Variants in ZBTB45 observed in about 807,000 individuals in gnomAD.
ZBTB45 encodes zinc finger and BTB domain-containing protein 45.
ZBTB45 carries 22 observed loss-of-function variants against 28.4 expected under a neutral mutation model. The ratio of observed to expected loss-of-function variants is 0.77; its 90% confidence interval spans 0.55 to 1.10. ZBTB45 has a LOEUF of 1.10. Ranked by LOEUF, ZBTB45 falls within the 50% of genes least tolerant of loss-of-function variation. The pLI is 0.00. For missense variants in ZBTB45, 656 were observed against 750.2 expected, an observed-to-expected ratio of 0.87 and a Z score of 1.47; for synonymous variants, 361 against 332.3, an observed-to-expected ratio of 1.09 and a Z score of -0.94.
chr19:58,530,209 G>GCACACACACACGCACA (rs2053628645), intron 1 of ZBTB45, among the ~76,000 whole-genome samples: 1 of 148,508 alleles, frequency 6.7e-6, no homozygotes, highest in Admixed American at 6.8e-5. Flanking sequence ...GAGAGCGCAT[G>GCACACACACACGCACA]CACACACACA....
In ZBTB45 at chr19:58,517,218, G is replaced by A. The variant is rs11545185; in HGVS notation, c.456C>T (p.Arg152=). The change falls in exon 2 of 3, where the codon CGC becomes CGT. Residue 152 remains arginine, a synonymous_variant. Transcript: ENST00000594051. The part of the protein sequence containing the change: ...PPLAPAQLRH[R]LRHLLAARPP... Reference sequence around the variant, plus strand: ...GACGTGCAGCCAGCAGGTGGCGCAGGCGGTGACGCAGCTGCGCAGGTGCGA... The same window carrying A: ...GACGTGCAGCCAGCAGGTGGCGCAGACGGTGACGCAGCTGCGCAGGTGCGA... 0.17 allele frequency: 267,343 copies of A among 1,600,728 alleles called. 23,094 individuals are homozygous for A. Among genetic ancestry groups the A allele is most frequent in the Middle Eastern group, 0.27 (1,598 of 5,828 alleles).
In ZBTB45 at chr19:58,517,250, G is replaced by A; in HGVS notation, c.424C>T (p.Pro142Ser). The stretch of plus-strand genomic sequence containing the variant: ...CGCAGCTGCGCAGGTGCGAGTGGCG[G>A]GGGCACAGGGGTGGGCAGGGGCGTG... ...APTPLPTPVP[P>S]PLAPAQLRHR... is the part of the protein sequence containing the mutation. Residue 142 changes from proline (P) to serine (S), a missense_variant, in exon 2 of 3, where the codon CCG becomes TCG. By Grantham distance (74) the Pro-to-Ser change is moderately conservative. Coordinates refer to ENST00000594051, the MANE Select transcript of ZBTB45 (RefSeq NM_001316979.2). 6.3e-7 allele frequency: 1 copy of A among 1,587,406 alleles called. No individual in the cohort carries two copies. The highest frequency in any genetic ancestry group is 1.1e-5 in the South Asian group (1 of 89,074).
At chr19:58,538,767 ACAT>A in exon 1 of ZBTB45, 1 of 152,298 alleles carries the variant, frequency 6.6e-6, no homozygotes, top group South Asian at 2.1e-4. Flanking sequence ...CGGCCTCCAA[ACAT>A]CCTCCGGAAG....
rs993861704 is a variant in ZBTB45 at position 58,517,382 on chromosome 19, C to G, written c.292G>C (p.Glu98Gln). Residue 98 changes from glutamate (E) to glutamine (Q), a missense_variant, in exon 2 of 3, where the codon GAA (glutamate) becomes CAA (glutamine). Transcript: ENST00000594051. ...GCGGCCGTGAGCACCTGCAGGGCTTCACCCTGCGCCACAACGAGCGAACCG... is the reference window on the plus strand; with the variant it reads ...GCGGCCGTGAGCACCTGCAGGGCTTGACCCTGCGCCACAACGAGCGAACCG... ...YSGSLVVAQG[E>Q]ALQVLTAASV... The G allele has an allele frequency of 6.2e-7, 1 of 1,612,688 alleles. No homozygotes were observed. The highest frequency in any genetic ancestry group is 8.5e-7 in the Non-Finnish European group (1 of 1,179,918).
chr19:58,522,911 T>C (rs1246127424), upstream of ZBTB45, among the ~76,000 whole-genome samples: 1 of 152,014 alleles, frequency 6.6e-6, no homozygotes, highest in Non-Finnish European at 1.5e-5. Flanking sequence ...CCCATTAGCA[T>C]GTTTAAGGGG....
At chr19:58,525,959 G>C (rs2053604705) in intron 1 of ZBTB45, among the ~76,000 whole-genome samples, 1 of 152,180 alleles carries the variant, frequency 6.6e-6, no homozygotes, top group Non-Finnish European at 1.5e-5. Context: ...TGGGCGCGGT[G>C]GCTCACGCCT....
intron 1 of ZBTB45, among the ~76,000 whole-genome samples, chr19:58,518,180 G>A (rs2053540077): frequency 6.6e-6 from 1 of 152,152 alleles, no homozygotes; most frequent in Non-Finnish European, 1.5e-5. Flanking sequence ...CACCCCTGCT[G>A]ACAGCTCCTT....
chr19:58,521,051 CAAAAAAAAAAAA>C (rs71190053), upstream of ZBTB45, among the ~76,000 whole-genome samples: 37 of 27,822 alleles, frequency 1.3e-3, 1 homozygote, highest in African/African-American at 6.9e-3. Flanking sequence ...GACTCCGTCT[CAAAAAAAAAAAA>C]AAAAAAAAAA....
At chr19:58,535,275 T>G (rs1414348068) in intron 1 of ZBTB45, among the ~76,000 whole-genome samples, 3 of 152,050 alleles carry the variant, frequency 2.0e-5, no homozygotes, top group East Asian at 1.9e-4. Flanking sequence ...CAAAGTGCTG[T>G]GATTACAGGC....
At chr19:58,530,745 G>C (rs1038554078) in intron 1 of ZBTB45, among the ~76,000 whole-genome samples, 1 of 149,798 alleles carries the variant, frequency 6.7e-6, no homozygotes, top group African/African-American at 2.5e-5. Flanking sequence ...GTGCAGTGGC[G>C]CGATCTTGGA....
At chr19:58,521,853 G>A (rs1222594796), upstream of ZBTB45, among the ~76,000 whole-genome samples, 1 of 152,108 alleles carries the variant, frequency 6.6e-6, no homozygotes. Context: ...GAGGGACTCG[G>A]CAGTGAAAGA....
chr19:58,516,831 G>A lies in ZBTB45; in HGVS notation c.843C>T (p.Asp281=), dbSNP rs148034788. The change falls in exon 2 of 3, where the codon GAC becomes GAT. Residue 281 remains aspartate, a synonymous_variant. Coordinates refer to ENST00000594051, the MANE Select transcript of ZBTB45 (RefSeq NM_001316979.2). The surrounding 1 kb of genome is among the most constrained non-coding windows in gnomAD (Gnocchi z 6.2). ...DFLRGAGSAE[D]VFPDSYVSTW... is the part of the protein sequence containing the mutation. The stretch of plus-strand genomic sequence containing the variant: ...TGGATACATAGCTGTCTGGAAATAC[G>A]TCCTCAGCTGACCCAGCTCCCCGAA... 43 of 1,613,558 alleles carry A rather than the reference G, an allele frequency of 2.7e-5. No individual in the cohort carries two copies. Among genetic ancestry groups the A allele is most frequent in the South Asian group, 2.6e-4 (24 of 91,082 alleles).
In ZBTB45 at chr19:58,514,191, G is replaced by T. The variant is rs780673390; in HGVS notation, c.1399C>A (p.Arg467Ser). The T allele has an allele frequency of 6.2e-6, 10 of 1,612,470 alleles. No individual in the cohort carries two copies. Among genetic ancestry groups the T allele is most frequent in the Non-Finnish European group, 3.4e-6 (4 of 1,179,666 alleles). ...TTGAGCGAGCTCTTCTGCGTGAAGC[G>T]CTTGGCGCAGACGGCGCACTGGAAG... ...RAFQCAVCAK[R>S]FTQKSSLNVH... is the part of the protein sequence containing the mutation. The change falls in exon 3 of 3, where the codon CGC (arginine) becomes AGC (serine). Residue 467 changes from arginine to serine, a missense_variant. Transcript: ENST00000594051.
intron 1 of ZBTB45, among the ~76,000 whole-genome samples, chr19:58,529,084 C>CAAAAAAAAAAAAAAAAAAAAA (rs1231496438): frequency 1.3e-4 from 8 of 61,418 alleles, no homozygotes; most frequent in African/African-American, 3.7e-4. Context: ...AACTCCATCT[C>CAAAAAAAAAAAAAAAAAAAAA]AAAAAAAAAA....
intron 1 of ZBTB45, among the ~76,000 whole-genome samples, chr19:58,526,504 C>T (rs191176020): frequency 0.026 from 3,653 of 138,834 alleles, 152 homozygotes; most frequent in African/African-American, 0.089. Context: ...GCCACCACGC[C>T]TGGCTGTTAT....
chr19:58,530,833 G>A (rs753565754), intron 1 of ZBTB45, among the ~76,000 whole-genome samples: 4 of 151,972 alleles, frequency 2.6e-5, no homozygotes, highest in East Asian at 1.9e-4. Context: ...ACAGGCGCCC[G>A]CCACCACGCC....
At chr19:58,538,587 C>G (rs962449329) in intron 1 of ZBTB45, 2 of 152,258 alleles carry the variant, frequency 1.3e-5, no homozygotes, top group Non-Finnish European at 2.9e-5. Context: ...AAAGGCCACA[C>G]CCGGCCCAGC....
At chr19:58,521,217 A>T (rs2053575527), upstream of ZBTB45, among the ~76,000 whole-genome samples, 1 of 148,954 alleles carries the variant, frequency 6.7e-6, no homozygotes, top group East Asian at 2.0e-4. Flanking sequence ...ACAAAAAAAA[A>T]TTAGCCGAGC....
intron 1 of ZBTB45, among the ~76,000 whole-genome samples, chr19:58,524,831 C>T (rs1317891965): frequency 6.6e-6 from 1 of 150,984 alleles, no homozygotes; most frequent in African/African-American, 2.4e-5. Context: ...TGCAGTGAGC[C>T]GAGATTGCGC....
Sources: gnomAD v4.1 joint callset for allele counts (sites outside exome capture counted in the v4.1 genomes callset) on GRCh38, gnomAD v4.1.1 for gene constraint, Gnocchi (gnomAD v3.1) non-coding constraint, MANE v1.5 for transcripts, NCBI Gene and HGNC (gene_info 2026-07-23, HGNC 2026-07-21) for gene names.